The following AIM2 variants were observed in gnomAD, a reference collection of about 807,000 sequenced individuals.
AIM2 encodes absent in melanoma 2.
A neutral mutation model predicts 27.7 loss-of-function variants in AIM2; 30 were observed. The observed-to-expected ratio is 1.08, with a 90% CI of 0.81 to 1.47. AIM2 has a LOEUF of 1.47. Among genes scored for constraint, AIM2 ranks in the 40% most tolerant of loss-of-function variants. The pLI, the probability that AIM2 is intolerant of heterozygous loss-of-function variation, is 0.00. For missense variants in AIM2, 358 were observed against 411.3 expected, an observed-to-expected ratio of 0.87 and a Z score of 1.12; for synonymous variants, 141 against 145.3, an observed-to-expected ratio of 0.97 and a Z score of 0.21.
intron 1 of AIM2, among the ~76,000 whole-genome samples, chr1:159,119,362 G>A (rs1247145114): frequency 6.6e-6 from 1 of 152,044 alleles, no homozygotes; most frequent in Non-Finnish European, 1.5e-5. Flanking sequence ...CCTCTACTGT[G>A]GCAAATAATC....
At chr1:159,110,264 G>T (rs1657537227) in intron 1 of AIM2, among the ~76,000 whole-genome samples, 1 of 152,170 alleles carries the variant, frequency 6.6e-6, no homozygotes, top group Non-Finnish European at 1.5e-5. Flanking sequence ...CAGCAACCTG[G>T]ACGAGATTGG....
downstream of AIM2, among the ~76,000 whole-genome samples, chr1:159,061,746 A>C (rs1655845837): frequency 6.6e-6 from 1 of 151,824 alleles, no homozygotes; most frequent in South Asian, 2.1e-4. Context: ...AACAAATATT[A>C]AGCCCCAATC....
At chr1:159,092,565 T>A (rs1233294547) in intron 1 of AIM2, among the ~76,000 whole-genome samples, 1 of 152,020 alleles carries the variant, frequency 6.6e-6, no homozygotes, top group Non-Finnish European at 1.5e-5. Context: ...TGTCAGGAAG[T>A]GGAGAAGGAG....
chr1:159,083,104 A>G (rs542709616), intron 1 of AIM2, among the ~76,000 whole-genome samples: 11 of 152,314 alleles, frequency 7.2e-5, no homozygotes, highest in African/African-American at 2.4e-4. Context: ...GAAAAAAATA[A>G]AGATGCATAA....
chr1:159,134,028 TC>T (rs1470281952), intron 1 of AIM2, among the ~76,000 whole-genome samples: 23 of 152,142 alleles, frequency 1.5e-4, no homozygotes, highest in African/African-American at 4.8e-5. Context: ...CACCATTTTC[TC>T]CCCCAAACTT....
intron 1 of AIM2, among the ~76,000 whole-genome samples, chr1:159,121,716 C>A (rs985109427): frequency 2.6e-5 from 4 of 152,048 alleles, no homozygotes; most frequent in Non-Finnish European, 5.9e-5. Flanking sequence ...GGGCACTCTG[C>A]CAATTGGAAA....
chr1:159,146,187 T>G (rs1326563787), intron 1 of AIM2, among the ~76,000 whole-genome samples: 1 of 151,876 alleles, frequency 6.6e-6, no homozygotes, highest in Non-Finnish European at 1.5e-5. Flanking sequence ...ATGAGGAAAC[T>G]AGTAGTGTTC....
At chr1:159,105,082 T>C (rs996107558) in intron 1 of AIM2, among the ~76,000 whole-genome samples, 12 of 152,186 alleles carry the variant, frequency 7.9e-5, no homozygotes, top group Admixed American at 7.9e-4. Context: ...CCAGATCCCA[T>C]GCCTGCCAAG....
At chr1:159,106,307 A>G (rs1462290446) in intron 1 of AIM2, among the ~76,000 whole-genome samples, 1 of 152,214 alleles carries the variant, frequency 6.6e-6, no homozygotes, top group African/African-American at 2.4e-5. Context: ...ACATAGGTCC[A>G]GCCACGCCTC....
intron 1 of AIM2, among the ~76,000 whole-genome samples, chr1:159,133,014 A>G (rs1471741071): frequency 2.0e-5 from 3 of 152,256 alleles, no homozygotes; most frequent in East Asian, 1.9e-4. Context: ...TCTTCCAGAT[A>G]TCAACATGCA....
At chr1:159,105,347 C>T (rs547012539) in intron 1 of AIM2, among the ~76,000 whole-genome samples, 2 of 152,322 alleles carry the variant, frequency 1.3e-5, no homozygotes, top group South Asian at 2.1e-4. Flanking sequence ...TTACAGCCCT[C>T]GCCCGTGGAC....
At chr1:159,072,821 C>A (rs1040734712) in intron 2 of AIM2, among the ~76,000 whole-genome samples, 5 of 152,162 alleles carry the variant, frequency 3.3e-5, no homozygotes, top group Admixed American at 3.3e-4. Context: ...TGCTCAATAT[C>A]CTGGTTTACA....
chr1:159,081,218 C>A, upstream of AIM2: 1 of 216,560 alleles, frequency 4.6e-6, no homozygotes, highest in Non-Finnish European at 1.1e-5. Context: ...TAAAAATATA[C>A]CATAATGAAA....
chr1:159,112,858 CT>C (rs571907706), intron 1 of AIM2, among the ~76,000 whole-genome samples: 4 of 150,984 alleles, frequency 2.6e-5, no homozygotes, highest in South Asian at 4.2e-4. Flanking sequence ...TTCTACTAGA[CT>C]TTTTTTTAAC....
At chr1:159,133,122 C>T (rs1377526976) in intron 1 of AIM2, among the ~76,000 whole-genome samples, 1 of 152,196 alleles carries the variant, frequency 6.6e-6, no homozygotes, top group Non-Finnish European at 1.5e-5. Context: ...GCACTCTGAT[C>T]CCCTATCACA....
chr1:159,077,373 C>A (rs868057268), upstream of AIM2, among the ~76,000 whole-genome samples: 1 of 152,156 alleles, frequency 6.6e-6, no homozygotes, highest in African/African-American at 2.4e-5. Flanking sequence ...ATGGTTAATC[C>A]GGAACTGTCA....
At chr1:159,056,939 G>T in the AIM2 span, among the ~76,000 whole-genome samples, 1 of 152,022 alleles carries the variant, frequency 6.6e-6, no homozygotes, top group Admixed American at 6.6e-5. Context: ...AATGAAAGGT[G>T]TTTTTTCAAA....
chr1:159,072,855 C>T (rs1286892862), intron 2 of AIM2, among the ~76,000 whole-genome samples: 1 of 152,210 alleles, frequency 6.6e-6, no homozygotes, highest in Non-Finnish European at 1.5e-5. Flanking sequence ...ATAATTTATA[C>T]TTTCAAGACT....
chr1:159,133,931 T>C (rs1289404539), intron 1 of AIM2, among the ~76,000 whole-genome samples: 1 of 152,188 alleles, frequency 6.6e-6, no homozygotes, highest in Non-Finnish European at 1.5e-5. Context: ...AGTTCAGACC[T>C]GACCTGACTC....
Sources: allele counts gnomAD v4.1 joint callset (sites outside exome capture counted in the v4.1 genomes callset), GRCh38; gene constraint gnomAD v4.1.1; transcripts MANE v1.5; gene names NCBI Gene and HGNC (gene_info 2026-07-23, HGNC 2026-07-21).